The following ADAMTS20 variants were observed in gnomAD, a reference collection of about 807,000 sequenced individuals.
The protein encoded by ADAMTS20 is ADAM metallopeptidase with thrombospondin type 1 motif 20.
A neutral mutation model predicts 260.1 loss-of-function variants in ADAMTS20; 225 were observed. That is an observed-to-expected ratio of 0.87 (90% CI 0.78 to 0.97). The LOEUF is 0.97. Ranked by LOEUF, ADAMTS20 falls within the 50% of genes least tolerant of loss-of-function variation. The pLI, the probability that ADAMTS20 is intolerant of heterozygous loss-of-function variation, is 0.00. For missense variants in ADAMTS20, 2,400 were observed against 2,337.7 expected (o/e 1.03, Z -0.55); for synonymous variants, 802 against 769.5 (o/e 1.04, Z -0.70).
chr12:43,423,648 G>A (rs1416761763), intron 28 of ADAMTS20: 1 of 685,934 alleles, frequency 1.5e-6, no homozygotes, highest in East Asian at 2.7e-5. Flanking sequence ...GACACAGTAA[G>A]CAGAAAGTGG....
In ADAMTS20 at chr12:43,505,134, G is replaced by C. The variant is rs1052356313; in HGVS notation, c.614-2729C>G. On this transcript the variant is annotated intron_variant, in intron 3 of 38. Coordinates refer to ENST00000389420, the MANE Select transcript of ADAMTS20 (RefSeq NM_025003.5). ...GTGCCAAGACCACTCAATATAGAAA[G>C]ACTAACTCAAAATGAGTTACAAATC... 2.0e-5 allele frequency among the ~76,000 whole-genome samples: 3 copies of C among 152,128 alleles called. No individual in the cohort carries two copies. The East Asian group carries it at 5.8e-4, about 29-fold the overall frequency.
rs1565555404 is a variant in ADAMTS20, at chr12:43,452,639, T to C, written c.1817A>G (p.Asn606Ser). 6.2e-7 allele frequency: 1 copy of C among 1,612,674 alleles called. No individual in the cohort carries two copies. Among genetic ancestry groups the C allele is most frequent in the Non-Finnish European group, 8.5e-7 (1 of 1,179,298 alleles). ...TGTGCCTTTTGGACATGAATCAGTA[T>C]TACATGATCGAAATTTCATCCTGCG... ...VGRRMKFRSCNTDSCPKGTQD... is the reference protein window; with the variant it reads ...VGRRMKFRSCSTDSCPKGTQD... The change falls in exon 13 of 39, where the codon AAT becomes AGT. Residue 606 changes from asparagine (N) to serine (S), a missense_variant. By Grantham distance (46) the Asn-to-Ser change is conservative. Coordinates refer to ENST00000389420, the MANE Select transcript of ADAMTS20 (RefSeq NM_025003.5).
At chr12:43,448,282 C>T (rs916286092) in intron 14 of ADAMTS20, among the ~76,000 whole-genome samples, 1 of 151,994 alleles carries the variant, frequency 6.6e-6, no homozygotes, top group Non-Finnish European at 1.5e-5. Flanking sequence ...GGAACTGGTA[C>T]AAAAACAGAC....
At chr12:43,500,022 C>T (rs908110571) in intron 4 of ADAMTS20, among the ~76,000 whole-genome samples, 1 of 121,840 alleles carries the variant, frequency 8.2e-6, no homozygotes, top group African/African-American at 3.2e-5. Flanking sequence ...ACCCAACTTT[C>T]TTTCCTTATT....
chr12:43,537,470 T>TATCC (rs1395399351), intron 2 of ADAMTS20, among the ~76,000 whole-genome samples: 1 of 152,182 alleles, frequency 6.6e-6, no homozygotes, highest in Non-Finnish European at 1.5e-5. Context: ...GGGAATGGGA[T>TATCC]ATCCACCTCC....
Position 43,369,200 on chromosome 12 carries a change from T to C in ADAMTS20, c.5538+90A>G, listed in dbSNP as rs987336691. The C allele has an allele frequency of 8.3e-6, 6 of 719,078 alleles. No homozygotes were observed. In the African/African-American group the frequency reaches 9.4e-5, roughly 11 times the overall value. 44.5% of individuals were successfully genotyped at this position (719,078 alleles called of 1,614,324 possible). On this transcript the variant is annotated intron_variant, in intron 37 of 38. Transcript: ENST00000389420. Reference sequence around the variant, plus strand: ...TTTTGCATTTCTATTTACTTATGTTTCTTGCAATATTCTGGTTAAAAAAAT... The same window carrying C: ...TTTTGCATTTCTATTTACTTATGTTCCTTGCAATATTCTGGTTAAAAAAAT...
At chr12:43,462,706 TTAGAAA>T (rs1246815989) in intron 11 of ADAMTS20, among the ~76,000 whole-genome samples, 183 bp downstream of exon 11, 33 of 152,306 alleles carry the variant, frequency 2.2e-4, no homozygotes, top group African/African-American at 7.7e-4. Context: ...CTGCCATAGC[TTAGAAA>T]TAGGGTAAAA....
intron 28 of ADAMTS20, among the ~76,000 whole-genome samples, chr12:43,418,122 C>T (rs780360792): frequency 3.9e-5 from 6 of 152,014 alleles, no homozygotes; most frequent in African/African-American, 1.2e-4. Flanking sequence ...TTTTATATTA[C>T]CAAAAAGAGG....
chr12:43,502,477 A>T, intron 3 of ADAMTS20, 72 bp from the exon 4 acceptor site: 1 of 1,408,162 alleles, frequency 7.1e-7, no homozygotes. Flanking sequence ...AAAAAATAGA[A>T]CAGCCAAAAA....
At chr12:43,524,113 A>T (rs1343157667) in intron 3 of ADAMTS20, among the ~76,000 whole-genome samples, 2 of 37,874 alleles carry the variant, frequency 5.3e-5, no homozygotes, top group African/African-American at 1.9e-4. Flanking sequence ...TAACTTACAC[A>T]TGACTGCAGC....
chr12:43,505,201 A>AG (rs1007626060), intron 3 of ADAMTS20, among the ~76,000 whole-genome samples: 1 of 152,208 alleles, frequency 6.6e-6, no homozygotes, highest in Non-Finnish European at 1.5e-5. Context: ...GAAAACATAG[A>AG]GAAAGTGTTT....
chr12:43,493,530 C>T (rs2137432701), intron 4 of ADAMTS20, among the ~76,000 whole-genome samples: 1 of 152,264 alleles, frequency 6.6e-6, no homozygotes, highest in Middle Eastern at 3.4e-3. Context: ...GCAGCATCCA[C>T]ATAACCTAGA....
intron 28 of ADAMTS20, among the ~76,000 whole-genome samples, chr12:43,422,586 A>G (rs1047255863): frequency 6.6e-6 from 1 of 152,080 alleles, no homozygotes; most frequent in Non-Finnish European, 1.5e-5. Flanking sequence ...TCATACATAT[A>G]AAAAAGTAAA....
intron 4 of ADAMTS20, among the ~76,000 whole-genome samples, chr12:43,501,591 C>T (rs1161210474): frequency 6.6e-6 from 1 of 151,988 alleles, no homozygotes; most frequent in Non-Finnish European, 1.5e-5. Flanking sequence ...AGCACTACCA[C>T]TGCTTGACAA....
rs1942777869 is a variant in ADAMTS20 at position 43,502,245 on chromosome 12, T to G, written c.774A>C (p.Pro258=). 6.2e-7 allele frequency: 1 copy of G among 1,611,720 alleles called. No individual in the cohort carries two copies. The highest frequency in any genetic ancestry group is 1.3e-5 in the African/African-American group (1 of 74,772). Residue 258 remains proline, a synonymous_variant, in exon 4 of 39, where the codon CCA becomes CCC. Coordinates refer to ENST00000389420, the MANE Select transcript of ADAMTS20 (RefSeq NM_025003.5). The part of the protein sequence containing the change: ...HSRKKRLISY[P]RYIEIMVTAD... The stretch of plus-strand genomic sequence containing the variant: ...CTGTAACCATAATTTCAATGTATCT[T>G]GGATATGATATAAGACGTTTTTTCC...
intron 4 of ADAMTS20, among the ~76,000 whole-genome samples, chr12:43,501,459 A>ATG (rs1375193432): frequency 2.8e-4 from 21 of 73,894 alleles, no homozygotes; most frequent in South Asian, 1.1e-3. Context: ...GTGGAGGGGG[A>ATG]TACGCGCGCG....
chr12:43,376,817 G>A (rs537009386), intron 32 of ADAMTS20, among the ~76,000 whole-genome samples, 164 bp from the exon 33 acceptor site: 8 of 152,246 alleles, frequency 5.3e-5, no homozygotes, highest in South Asian at 2.1e-4. Flanking sequence ...GATAGTCGCC[G>A]GTGGGAAAAA....
chr12:43,404,178 GACACACACACACAC>G (rs3031172), intron 28 of ADAMTS20, among the ~76,000 whole-genome samples: 9 of 146,004 alleles, frequency 6.2e-5, no homozygotes, highest in South Asian at 4.5e-4. Flanking sequence ...ATATTGTGGG[GACACACACACACAC>G]ACACACACAC....
chr12:43,386,747 T>C (rs1940487253), intron 29 of ADAMTS20, among the ~76,000 whole-genome samples: 1 of 152,230 alleles, frequency 6.6e-6, no homozygotes, highest in African/African-American at 2.4e-5. Context: ...ATCTTCAATT[T>C]CTGATATCCT....
Sources: gnomAD v4.1 joint callset for allele counts (sites outside exome capture counted in the v4.1 genomes callset) on GRCh38, gnomAD v4.1.1 for gene constraint, MANE v1.5 for transcripts, NCBI Gene and HGNC (gene_info 2026-07-23, HGNC 2026-07-21) for gene names.